Variants in DNMT3B observed in about 807,000 individuals in gnomAD.
DNMT3B encodes DNA methyltransferase 3 beta, also known as DNA (cytosine-5)-methyltransferase 3B.
A neutral mutation model predicts 120.2 loss-of-function variants in DNMT3B; 37 were observed. The observed-to-expected ratio is 0.31, with a 90% CI of 0.24 to 0.40. The LOEUF (loss-of-function observed/expected upper bound fraction) is 0.40. DNMT3B is among the 10% of genes least tolerant of loss of function. The pLI, the probability that DNMT3B is intolerant of heterozygous loss-of-function variation, is 1.00. For missense variants in DNMT3B, 878 were observed against 1,137.3 expected (o/e 0.77, Z 3.28); for synonymous variants, 412 against 442.8 (o/e 0.93, Z 0.87).
At chr20:32,780,024 T>G (rs1449521121) in intron 1 of DNMT3B, 14 of 1,526,662 alleles carry the variant, frequency 9.2e-6, no homozygotes, top group South Asian at 2.4e-5. Context: ...GCCGGCTAAT[T>G]GCACAGAGCA....
At chr20:32,765,362 G>C (rs1167678396) in intron 1 of DNMT3B, among the ~76,000 whole-genome samples, 1 of 151,316 alleles carries the variant, frequency 6.6e-6, no homozygotes, top group Non-Finnish European at 1.5e-5. Context: ...TAGAACTGAG[G>C]CTCTGGAAGA....
chr20:32,779,066 C>T (rs2145898400), intron 1 of DNMT3B, among the ~76,000 whole-genome samples: 1 of 152,234 alleles, frequency 6.6e-6, no homozygotes, highest in East Asian at 1.9e-4. Context: ...GCAGGGAGGC[C>T]CGGTGCATAT....
At chr20:32,771,929 C>A (rs1352152101) in intron 1 of DNMT3B, among the ~76,000 whole-genome samples, 2 of 152,162 alleles carry the variant, frequency 1.3e-5, no homozygotes, top group East Asian at 1.9e-4. Flanking sequence ...AGTTACCCCC[C>A]AAACCTTCCT....
At chr20:32,797,022 C>G in intron 13 of DNMT3B, 153 bp downstream of exon 13, 10 of 1,609,910 alleles carry the variant, frequency 6.2e-6, no homozygotes, top group Non-Finnish European at 8.5e-6. Flanking sequence ...GGACAGCTGT[C>G]ACAGAGGCCA....
intron 7 of DNMT3B, among the ~76,000 whole-genome samples, chr20:32,789,446 A>G (rs1241414227): frequency 2.6e-5 from 4 of 152,124 alleles, no homozygotes; most frequent in Non-Finnish European, 5.9e-5. Flanking sequence ...CAGTTGTGAA[A>G]AGGGTTTTTA....
intron 10 of DNMT3B, among the ~76,000 whole-genome samples, chr20:32,794,365 AC>A (rs1191205822): frequency 2.6e-4 from 35 of 136,366 alleles, no homozygotes; most frequent in African/African-American, 1.0e-3. Flanking sequence ...AAAAAAAAAA[AC>A]CAAAACAGAA....
chr20:32,780,566 C>T, intron 2 of DNMT3B, 101 bp downstream of exon 2: 1 of 1,511,882 alleles, frequency 6.6e-7, no homozygotes, highest in Non-Finnish European at 8.9e-7. Context: ...ACAACCTCCA[C>T]CACAATTCCC....
intron 8 of DNMT3B, among the ~76,000 whole-genome samples, chr20:32,792,394 G>T (rs1002892337): frequency 3.3e-5 from 5 of 152,150 alleles, no homozygotes; most frequent in Admixed American, 6.5e-5. Context: ...AGGGGGAAGA[G>T]ATCCTATTTG....
chr20:32,799,788 G>A (rs1568856637), intron 16 of DNMT3B, among the ~76,000 whole-genome samples: 1 of 152,166 alleles, frequency 6.6e-6, no homozygotes, highest in African/African-American at 2.4e-5. Context: ...AAACCGCTGG[G>A]ATTAGAGACA....
intron 1 of DNMT3B, among the ~76,000 whole-genome samples, chr20:32,774,207 TC>T (rs1987930279): frequency 6.6e-6 from 1 of 151,626 alleles, no homozygotes; most frequent in Non-Finnish European, 1.5e-5. Flanking sequence ...TTTTATGGTG[TC>T]TTTTTTTTCT....
chr20:32,794,128 G>A (rs138694104), intron 10 of DNMT3B, among the ~76,000 whole-genome samples: 8 of 152,164 alleles, frequency 5.3e-5, no homozygotes, highest in African/African-American at 1.7e-4. Context: ...GGACGCTGAG[G>A]TGGGCAGATT....
At chr20:32,785,227 A>T (rs915395120) in intron 4 of DNMT3B, among the ~76,000 whole-genome samples, 5 of 152,036 alleles carry the variant, frequency 3.3e-5, no homozygotes, top group African/African-American at 1.2e-4. Context: ...TTCAGTAGAG[A>T]TGAAGTTTTA....
intron 20 of DNMT3B, among the ~76,000 whole-genome samples, chr20:32,804,142 A>G (rs1223125783): frequency 6.6e-6 from 1 of 152,132 alleles, no homozygotes; most frequent in Non-Finnish European, 1.5e-5. Flanking sequence ...GATGCATTGG[A>G]TGTGTAGGCT....
chr20:32,786,661 A>C, intron 5 of DNMT3B, 34 bp downstream of exon 5: 5 of 1,613,034 alleles, frequency 3.1e-6, no homozygotes, highest in Non-Finnish European at 4.2e-6. Flanking sequence ...CCCTGCCCGC[A>C]GTCTCTAACT....
intron 9 of DNMT3B, among the ~76,000 whole-genome samples, 165 bp from the exon 10 acceptor site, chr20:32,793,371 G>A (rs1316582705): frequency 4.6e-5 from 7 of 152,218 alleles, no homozygotes; most frequent in Non-Finnish European, 1.0e-4. Flanking sequence ...GGAGGCTGAG[G>A]TGGGAGAATT....
intron 13 of DNMT3B, 68 bp downstream of exon 13, chr20:32,796,937 A>G (rs1220199517): frequency 3.7e-6 from 6 of 1,613,770 alleles, no homozygotes; most frequent in Non-Finnish European, 5.1e-6. Context: ...CTCCTTCCCA[A>G]CAGCACCTGT....
chr20:32,786,607 G>T lies in DNMT3B; in HGVS notation c.412G>T (p.Val138Leu), dbSNP rs756280552. Reference sequence around the variant, plus strand: ...CCGCAACCATGTGGACGAGTCCCCCGTGGAGTTCCCGGCTACCAGGGTTGG... The same window carrying T: ...CCGCAACCATGTGGACGAGTCCCCCTTGGAGTTCCCGGCTACCAGGGTTGG... ...QGRNHVDESP[V>L]EFPATRSLRR... is the part of the protein sequence containing the mutation. Residue 138 changes from valine (V) to leucine (L), a missense_variant, in exon 5 of 23, where the codon GTG becomes TTG. Physicochemically the swap from Val to Leu is conservative, Grantham distance 32. Transcript: ENST00000328111. 13 of 1,613,868 alleles carry T rather than the reference G, an allele frequency of 8.1e-6. No individual in the cohort carries two copies. The highest frequency in any genetic ancestry group is 1.7e-5 in the Admixed American group (1 of 60,028).
At chr20:32,789,065 G>A in intron 7 of DNMT3B, 53 bp downstream of exon 7, 1 of 1,605,796 alleles carries the variant, frequency 6.2e-7, no homozygotes, top group Non-Finnish European at 8.5e-7. Flanking sequence ...GTGCCTGCCT[G>A]CCTCCCTTTG....
intron 1 of DNMT3B, among the ~76,000 whole-genome samples, chr20:32,774,056 G>A (rs1355722279): frequency 6.2e-5 from 9 of 145,682 alleles, no homozygotes; most frequent in East Asian, 2.1e-4. Context: ...GTTCTGTCAT[G>A]TGTTCTGCTG....
Sources: allele counts gnomAD v4.1 joint callset (sites outside exome capture counted in the v4.1 genomes callset), GRCh38; gene constraint gnomAD v4.1.1; transcripts MANE v1.5; gene names NCBI Gene and HGNC (gene_info 2026-07-23, HGNC 2026-07-21).